Variants in ABLIM3 observed in about 807,000 individuals in gnomAD.
ABLIM3 encodes the protein actin binding LIM protein family member 3, also known as actin-binding LIM protein 3.
Under a neutral mutation model 109.5 loss-of-function variants are expected in ABLIM3, and 61 were observed. The ratio of observed to expected loss-of-function variants is 0.56; its 90% CI spans 0.45 to 0.69. ABLIM3 has a LOEUF of 0.69. Ranked by LOEUF, ABLIM3 falls within the 30% of genes least tolerant of loss-of-function variation. The probability of loss-of-function intolerance (pLI) is 0.00; values close to 1 mark genes in which losing one functional copy is unlikely to be tolerated. For missense variants in ABLIM3, 796 were observed against 889.5 expected (o/e 0.89, Z 1.34); for synonymous variants, 300 against 324.8 (o/e 0.92, Z 0.82).
At chr5:149,250,632 A>C in intron 20 of ABLIM3, 127 bp downstream of exon 20, 2 of 1,060,152 alleles carry the variant, frequency 1.9e-6, no homozygotes, top group Non-Finnish European at 2.8e-6. Context: ...AACTGACACA[A>C]CTGTATGGCA....
At chr5:149,214,228 A>G (rs886387687) in intron 7 of ABLIM3, among the ~76,000 whole-genome samples, 3 of 152,236 alleles carry the variant, frequency 2.0e-5, no homozygotes, top group African/African-American at 4.8e-5. Flanking sequence ...CTCAGCTCCT[A>G]TAACAAAAAG....
intron 2 of ABLIM3, among the ~76,000 whole-genome samples, chr5:149,150,924 G>T (rs554427257): frequency 2.0e-5 from 3 of 152,292 alleles, no homozygotes; most frequent in Non-Finnish European, 4.4e-5. Flanking sequence ...TAGTGCCTCT[G>T]TCAGAGAAGA....
intron 3 of ABLIM3, among the ~76,000 whole-genome samples, chr5:149,184,997 G>A (rs1054203185): frequency 3.9e-5 from 6 of 152,130 alleles, no homozygotes; most frequent in African/African-American, 1.4e-4. Context: ...GAATATCTTG[G>A]TGAGTGATTA....
intron 3 of ABLIM3, among the ~76,000 whole-genome samples, chr5:149,185,188 G>T (rs532799824): frequency 1.3e-5 from 2 of 152,150 alleles, no homozygotes; most frequent in East Asian, 1.9e-4. Context: ...CTCTGGGTTG[G>T]CTGGGAAGTG....
intron 5 of ABLIM3, among the ~76,000 whole-genome samples, chr5:149,206,772 G>C (rs1232199883): frequency 6.6e-6 from 1 of 152,086 alleles, no homozygotes; most frequent in East Asian, 1.9e-4. Flanking sequence ...ATGTGGTCTT[G>C]ATGACAAGCA....
intron 2 of ABLIM3, among the ~76,000 whole-genome samples, chr5:149,150,624 A>G (rs1753343182): frequency 6.6e-6 from 1 of 152,228 alleles, no homozygotes; most frequent in Admixed American, 6.5e-5. Context: ...TATCTTGCTG[A>G]GATAGCATCT....
Position 149,147,577 on chromosome 5 carries a change from A to T in ABLIM3, c.13+5469A>T, listed in dbSNP as rs141916309. ...TTCAATCTGCCTTTAGTTGAAAAAG[A>T]TCTGTGTAAGTGGACCTACACTATT... On this transcript the variant is annotated intron_variant, in intron 2 of 23. Coordinates refer to ENST00000309868, the MANE Select transcript of ABLIM3 (RefSeq NM_014945.5). 1.7e-4 allele frequency among the ~76,000 whole-genome samples: 26 copies of T among 152,186 alleles called. No individual in the cohort carries two copies. The East Asian group carries it at 4.8e-3, about 28-fold the overall frequency.
rs767017169 is a variant in ABLIM3 at position 149,258,349 on chromosome 5, A to G, written c.1997A>G (p.Asp666Gly). 5 of 1,613,448 alleles carry G rather than the reference A, an allele frequency of 3.1e-6. No individual in the cohort carries two copies. The highest frequency in any genetic ancestry group is 4.2e-6 in the Non-Finnish European group (5 of 1,179,942). The change falls in exon 24 of 24, where the codon GAC becomes GGC. Residue 666 changes from aspartate to glycine, a missense_variant. Physicochemically the swap from Asp to Gly is moderately conservative, Grantham distance 94 (BLOSUM62 -1). Coordinates refer to ENST00000309868, the MANE Select transcript of ABLIM3 (RefSeq NM_014945.5). Reference protein sequence around the residue: ...QVFGMTISEFDRLALWKRNEL... With the variant: ...QVFGMTISEFGRLALWKRNEL... Reference sequence around the variant, plus strand: ...TTTGGCATGACCATCTCTGAGTTTGACCGGCTGGCCCTCTGGAAGAGGAAT... The same window carrying G: ...TTTGGCATGACCATCTCTGAGTTTGGCCGGCTGGCCCTCTGGAAGAGGAAT...
rs1238055049 is a variant in ABLIM3, at chr5:149,200,337, C to T, written c.357C>T (p.Asp119=). 6.2e-7 allele frequency: 1 copy of T among 1,614,232 alleles called. No individual in the cohort carries two copies. The highest frequency in any genetic ancestry group is 1.3e-5 in the African/African-American group (1 of 75,054). ...SLCRKPFPIG[D]KVTFSGKECV... ...GCAGGAAGCCTTTCCCCATTGGAGA[C>T]AAGGTGACCTTCAGCGGTAAAGAAT... The change falls in exon 5 of 24, where the codon GAC becomes GAT. Residue 119 remains aspartate, a synonymous_variant. Transcript: ENST00000309868.
In ABLIM3 at chr5:149,200,312, G is replaced by T; in HGVS notation, c.336-4G>T. On this transcript the variant is annotated splice_region_variant and splice_polypyrimidine_tract_variant and intron_variant, in intron 4 of 23. Coordinates refer to ENST00000309868, the MANE Select transcript of ABLIM3 (RefSeq NM_014945.5). ...GTTGAATTTCTCCCTCATCCCACTTGCAGGAAGCCTTTCCCCATTGGAGAC... is the reference window on the plus strand; with the variant it reads ...GTTGAATTTCTCCCTCATCCCACTTTCAGGAAGCCTTTCCCCATTGGAGAC... 1.9e-6 allele frequency: 3 copies of T among 1,613,914 alleles called. No individual in the cohort carries two copies. The highest frequency in any genetic ancestry group is 1.3e-5 in the African/African-American group (1 of 75,044).
intron 2 of ABLIM3, among the ~76,000 whole-genome samples, chr5:149,157,344 C>A (rs181108988): frequency 4.1e-4 from 63 of 152,272 alleles, no homozygotes; most frequent in Admixed American, 9.8e-4. Context: ...AAATCCTCCC[C>A]CTTTGCTCCC....
Position 149,144,082 on chromosome 5 carries a change from A to G in ABLIM3, c.13+1974A>G, listed in dbSNP as rs1018293363. On this transcript the variant is annotated intron_variant, in intron 2 of 23. Coordinates refer to ENST00000309868, the MANE Select transcript of ABLIM3 (RefSeq NM_014945.5). The stretch of plus-strand genomic sequence containing the variant: ...TATCCTTCTTTTAAGAAAAAGAAAG[A>G]AAGAAAAGAAAAAAGAATCAATAGA... Among the ~76,000 whole-genome samples the G allele has an allele frequency of 7.9e-5, 12 of 152,230 alleles. No individual in the cohort carries two copies. In the East Asian group the frequency reaches 2.3e-3, roughly 29 times the overall value.
At position 149,183,457 on chromosome 5, in the gene ABLIM3, T is replaced by A. The variant is rs780334085; in HGVS notation, c.19T>A (p.Tyr7Asn). MNTSIP[Y>N]QQNPYNPRGS... is the part of the protein sequence containing the mutation. ...TCTCTTTGTTTCTTTTACAGTTCCT[T>A]ATCAGCAGAATCCTTACAATCCACG... Residue 7 changes from tyrosine (Y) to asparagine (N), a missense_variant, in exon 3 of 24, where the codon TAT (tyrosine) becomes AAT (asparagine). Physicochemically the swap from Tyr to Asn is moderately radical, Grantham distance 143 (BLOSUM62 -2). Coordinates refer to ENST00000309868, the MANE Select transcript of ABLIM3 (RefSeq NM_014945.5). The A allele has an allele frequency of 6.4e-7, 1 of 1,553,630 alleles. No homozygotes were observed. Among genetic ancestry groups the A allele is most frequent in the Non-Finnish European group, 8.7e-7 (1 of 1,151,542 alleles).
At chr5:149,196,166 A>G (rs1383232585) in intron 3 of ABLIM3, among the ~76,000 whole-genome samples, 1 of 152,028 alleles carries the variant, frequency 6.6e-6, no homozygotes, top group Non-Finnish European at 1.5e-5. Context: ...TCATGCAGTG[A>G]CTTCTGAAGC....
chr5:149,193,476 A>G (rs1010220090), intron 3 of ABLIM3, among the ~76,000 whole-genome samples: 2 of 150,494 alleles, frequency 1.3e-5, no homozygotes, highest in Admixed American at 6.6e-5. Flanking sequence ...ATACCTAAAT[A>G]ATTTTTTAAT....
intron 8 of ABLIM3, chr5:149,219,432 G>A (rs1306433525): frequency 6.6e-6 from 1 of 152,216 alleles, no homozygotes; most frequent in Non-Finnish European, 1.5e-5. Flanking sequence ...ACTGATGCTG[G>A]AGTGGTAAGG....
chr5:149,156,936 C>T (rs1051699801), intron 2 of ABLIM3, among the ~76,000 whole-genome samples: 4 of 152,232 alleles, frequency 2.6e-5, no homozygotes, highest in African/African-American at 9.6e-5. Context: ...TAAATGACCT[C>T]GAAGGTCTTT....
intron 8 of ABLIM3, among the ~76,000 whole-genome samples, chr5:149,228,410 G>GA (rs917063806): frequency 1.3e-4 from 20 of 151,420 alleles, no homozygotes; most frequent in African/African-American, 3.9e-4. Context: ...GTATCTTTTT[G>GA]AAAAAAAATA....
intron 3 of ABLIM3, among the ~76,000 whole-genome samples, chr5:149,192,532 A>C (rs1035815185): frequency 6.6e-6 from 1 of 151,176 alleles, no homozygotes; most frequent in Non-Finnish European, 1.5e-5. Flanking sequence ...AGGCTGAGGC[A>C]GGAGAATGGC....
Sources: allele counts gnomAD v4.1 joint callset (sites outside exome capture counted in the v4.1 genomes callset), GRCh38; gene constraint gnomAD v4.1.1; transcripts MANE v1.5; gene names NCBI Gene and HGNC (gene_info 2026-07-23, HGNC 2026-07-21).